SENP2: variants seen among roughly 807,000 people sequenced by gnomAD.
The protein encoded by SENP2 is SUMO specific peptidase 2.
SENP2 carries 16 observed loss-of-function variants against 86.3 expected under a neutral mutation model. The ratio of observed to expected loss-of-function variants is 0.19; its 90% CI spans 0.13 to 0.28. SENP2 has a LOEUF of 0.28. SENP2 is among the 10% of genes least tolerant of loss of function. The pLI, the probability that SENP2 is intolerant of heterozygous loss-of-function variation, is 1.00. For synonymous variants in SENP2, 222 were observed against 238.7 expected (o/e 0.93, Z 0.64); for missense variants, 552 against 703.0 (o/e 0.79, Z 2.43).
chr3:185,601,758 C>T lies in SENP2; in HGVS notation c.449+903C>T, dbSNP rs538397705. On this transcript the variant is annotated intron_variant, in intron 5 of 16. Transcript: ENST00000296257. ...GTTCAAGCAATTTTCCCACCTCAGC[C>T]TCTTGAGTAGCTGGGCTTACAGGGG... 2.6e-5 allele frequency among the ~76,000 whole-genome samples: 4 copies of T among 151,642 alleles called. No individual in the cohort carries two copies. In the East Asian group the frequency reaches 5.8e-4, roughly 22 times the overall value.
At chr3:185,587,730 C>CTTTTTTTTTTT (rs1216278823) in intron 1 of SENP2, among the ~76,000 whole-genome samples, 2 of 73,082 alleles carry the variant, frequency 2.7e-5, no homozygotes, top group African/African-American at 6.4e-5. Context: ...CCATGCCCGG[C>CTTTTTTTTTTT]TATTTTTTTT....
At chr3:185,605,011 C>T (rs1722466432) in intron 5 of SENP2, among the ~76,000 whole-genome samples, 1 of 151,282 alleles carries the variant, frequency 6.6e-6, no homozygotes, top group Admixed American at 6.6e-5. Context: ...GCCTCAGCCT[C>T]CCAAAGTACT....
At position 185,630,669 on chromosome 3, in the gene SENP2, G is replaced by C. The variant is rs1313555023; in HGVS notation, c.*825G>C. ...TTCAAACTGGATTCATGGATTTGAA[G>C]TAACTGTAAACCCTAAATCTTCATT... is the stretch of plus-strand genomic sequence containing the variant. On this transcript the variant is annotated 3_prime_UTR_variant, in exon 17 of 17. Coordinates refer to ENST00000296257, the MANE Select transcript of SENP2 (RefSeq NM_021627.3). 6.6e-6 allele frequency: 1 copy of C among 152,664 alleles called. No individual in the cohort carries two copies. Among genetic ancestry groups the C allele is most frequent in the African/African-American group, 2.4e-5 (1 of 41,460 alleles). 9.5% of individuals were successfully genotyped at this position (152,664 alleles called of 1,614,324 possible).
rs1302339598 is a variant in SENP2 at position 185,606,341 on chromosome 3, A to G, written c.461A>G (p.Asn154Ser). Residue 154 changes from asparagine (N) to serine (S), a missense_variant, in exon 6 of 17, where the codon AAC becomes AGC. Asn to Ser is a conservative substitution (Grantham distance 46). Transcript: ENST00000296257. ...TTTCTGTTGCTCAGTTTTACTTTGA[A>G]CTCAGAAGGCTGTAATAGAAGACCA... ...RVLPSFGFTL[N>S]SEGCNRRPGG... 6.3e-7 allele frequency: 1 copy of G among 1,597,678 alleles called. No homozygotes were observed. The highest frequency in any genetic ancestry group is 2.2e-5 in the East Asian group (1 of 44,802).
intron 2 of SENP2, among the ~76,000 whole-genome samples, chr3:185,594,688 C>T (rs564796703): frequency 8.8e-4 from 133 of 150,290 alleles, no homozygotes; most frequent in Non-Finnish European, 1.4e-3. Flanking sequence ...GGCACAATCT[C>T]GGTTCACTGC....
chr3:185,593,564 G>T lies in SENP2; in HGVS notation c.157+3395G>T, dbSNP rs370445840. On this transcript the variant is annotated intron_variant, in intron 2 of 16. Transcript: ENST00000296257. ...TGAATGATGATTATGTACTAAGAAA[G>T]GTGTATCCTTTTCAGTTATTTATTT... Among the ~76,000 whole-genome samples, 5 of 152,208 alleles carry T rather than the reference G, an allele frequency of 3.3e-5. No homozygotes were observed. The East Asian group carries it at 9.6e-4, about 29-fold the overall frequency.
chr3:185,591,184 C>G lies in SENP2; in HGVS notation c.157+1015C>G, dbSNP rs187458639. The stretch of plus-strand genomic sequence containing the variant: ...CCTCCCAAAGTGCTGGGGTTACAGG[C>G]GTGAGCCACCGCACCCAACCCAAGA... On this transcript the variant is annotated intron_variant, in intron 2 of 16. Coordinates refer to ENST00000296257, the MANE Select transcript of SENP2 (RefSeq NM_021627.3). Among the ~76,000 whole-genome samples the G allele has an allele frequency of 4.5e-3, 677 of 151,548 alleles. 5 individuals are homozygous for G. The highest frequency in any genetic ancestry group is 0.015 in the African/African-American group (633 of 41,354).
chr3:185,633,078 A>G lies in SENP2; in HGVS notation c.*3234A>G, dbSNP rs1400709436. 1 of 152,106 alleles carries G rather than the reference A, an allele frequency of 6.6e-6. No homozygotes were observed. The highest frequency in any genetic ancestry group is 1.5e-5 in the Non-Finnish European group (1 of 68,030). 9.4% of individuals were successfully genotyped at this position (152,106 alleles called of 1,614,324 possible). ...TACCGAAGGCTATTAGAACCTCTGA[A>G]TTTTTCCTCCTCTGAAATCCTAAGC... On this transcript the variant is annotated 3_prime_UTR_variant, in exon 17 of 17. Transcript: ENST00000296257.
At chr3:185,619,983 C>T (rs2148993348) in intron 13 of SENP2, among the ~76,000 whole-genome samples, 1 of 151,884 alleles carries the variant, frequency 6.6e-6, no homozygotes, top group South Asian at 2.1e-4. Context: ...GTTCTCCTGC[C>T]TCAGTTTTTC....
At chr3:185,611,792 A>C in intron 8 of SENP2, 47 bp downstream of exon 8, 1 of 1,301,174 alleles carries the variant, frequency 7.7e-7, no homozygotes, top group Non-Finnish European at 1.1e-6. Flanking sequence ...ACCTTAGTTC[A>C]TGCTACAGTG....
chr3:185,604,935 T>G (rs1353121876), intron 5 of SENP2, among the ~76,000 whole-genome samples: 1 of 151,446 alleles, frequency 6.6e-6, no homozygotes, highest in Non-Finnish European at 1.5e-5. Flanking sequence ...TTTGTATTTT[T>G]GGTAGAGTTG....
At chr3:185,626,239 G>T in intron 15 of SENP2, 59 bp from the exon 16 acceptor site, 1 of 1,129,466 alleles carries the variant, frequency 8.9e-7, no homozygotes, top group South Asian at 1.3e-5. Flanking sequence ...AAAGTCCAAG[G>T]AATTTGTATT....
chr3:185,612,631 C>T lies in SENP2; in HGVS notation c.842C>T (p.Pro281Leu), dbSNP rs1299892110. ...GATAGACTTGTTGAAACAAGGGGAC[C>T]TCTATGTTCATTGAGAAGTGAAAAG... Reference protein sequence around the residue: ...KQYRLVETRGPLCSLRSEKRC... With the variant: ...KQYRLVETRGLLCSLRSEKRC... Residue 281 changes from proline (P) to leucine (L), a missense_variant, in exon 9 of 17, where the codon CCT (proline) becomes CTT (leucine). Physicochemically the swap from Pro to Leu is moderately conservative, Grantham distance 98 (BLOSUM62 -3). Transcript: ENST00000296257. The T allele has an allele frequency of 3.1e-6, 5 of 1,609,244 alleles. No individual in the cohort carries two copies. Among genetic ancestry groups the T allele is most frequent in the Non-Finnish European group, 4.3e-6 (5 of 1,175,954 alleles).
At chr3:185,607,371 C>T (rs1286119276) in intron 6 of SENP2, among the ~76,000 whole-genome samples, 1 of 139,030 alleles carries the variant, frequency 7.2e-6, no homozygotes, top group Non-Finnish European at 1.5e-5. Context: ...TCTTGTTGCC[C>T]AGGCTAGAGT....
chr3:185,610,826 C>G (rs1560196112), intron 7 of SENP2, among the ~76,000 whole-genome samples: 4 of 152,130 alleles, frequency 2.6e-5, no homozygotes, highest in Admixed American at 1.3e-4. Context: ...GGCATGGTGG[C>G]TGGCACCTGT....
At chr3:185,624,999 C>T (rs6784948) in intron 15 of SENP2, among the ~76,000 whole-genome samples, 58,002 of 151,924 alleles carry the variant, frequency 0.38, 11,301 homozygotes, top group South Asian at 0.56. Context: ...AGAAAACAAA[C>T]TGCCTTTCTT....
intron 12 of SENP2, among the ~76,000 whole-genome samples, chr3:185,618,114 T>G (rs1190499276): frequency 6.6e-6 from 1 of 152,166 alleles, no homozygotes; most frequent in Admixed American, 6.5e-5. Context: ...CCGGCTAATT[T>G]TGTATTTTTA....
chr3:185,590,083 A>T, intron 1 of SENP2, 31 bp from the exon 2 acceptor site: 1 of 1,241,530 alleles, frequency 8.1e-7, no homozygotes, highest in Non-Finnish European at 1.1e-6. Flanking sequence ...GTAAATCTAT[A>T]TATATATATT....
Position 185,586,564 on chromosome 3 carries a change from C to T in SENP2, c.101+50C>T, listed in dbSNP as rs1274806888. 15 of 1,538,490 alleles carry T rather than the reference C, an allele frequency of 9.7e-6. No homozygotes were observed. The East Asian group carries it at 2.2e-4, about 23-fold the overall frequency. Reference sequence around the variant, plus strand: ...CAGCCTGGCCTTACCCCCTCCCCCACAGCGGGCTCCTCGGCCGTGATAGCT... The same window carrying T: ...CAGCCTGGCCTTACCCCCTCCCCCATAGCGGGCTCCTCGGCCGTGATAGCT... On this transcript the variant is annotated intron_variant, in intron 1 of 16. Transcript: ENST00000296257. This position sits in a 1 kb window ranked among gnomAD's most constrained non-coding sequence, Gnocchi z 4.3.
Sources: gnomAD v4.1 joint callset for allele counts (sites outside exome capture counted in the v4.1 genomes callset) on GRCh38, gnomAD v4.1.1 for gene constraint, Gnocchi (gnomAD v3.1) non-coding constraint, MANE v1.5 for transcripts, NCBI Gene and HGNC (gene_info 2026-07-23, HGNC 2026-07-21) for gene names.